VPS41: variants seen among roughly 807,000 people sequenced by gnomAD.
The protein encoded by VPS41 is vacuolar protein sorting-associated protein 41 homolog.
VPS41 carries 85 observed loss-of-function variants against 130.9 expected under a neutral mutation model. The observed-to-expected ratio is 0.65, with a 90% CI of 0.55 to 0.78. VPS41 has a LOEUF of 0.78. VPS41 is among the 30% of genes least tolerant of loss of function. The probability of loss-of-function intolerance (pLI) is 0.00; values close to 1 mark genes in which losing one functional copy is unlikely to be tolerated. For synonymous variants in VPS41, 335 were observed against 332.9 expected, an observed-to-expected ratio of 1.01 and a Z score of -0.07; for missense variants, 874 against 1,018.7, an observed-to-expected ratio of 0.86 and a Z score of 1.93.
chr7:38,794,637 C>T (rs540898593), intron 9 of VPS41, among the ~76,000 whole-genome samples: 1 of 152,308 alleles, frequency 6.6e-6, no homozygotes, highest in African/African-American at 2.4e-5. Context: ...CAGATGAGGA[C>T]AGTAAGGCTC....
Position 38,743,562 on chromosome 7 carries a change from G to T in VPS41, c.1982-20C>A. 6.2e-7 allele frequency: 1 copy of T among 1,608,968 alleles called. No individual in the cohort carries two copies. Among genetic ancestry groups the T allele is most frequent in the Non-Finnish European group, 8.5e-7 (1 of 1,177,318 alleles). On this transcript the variant is annotated intron_variant, in intron 23 of 28. Coordinates refer to ENST00000310301, the MANE Select transcript of VPS41 (RefSeq NM_014396.4). The stretch of plus-strand genomic sequence containing the variant: ...TTCGGCCTTGGTGGGGTGAAGATGG[G>T]AGAAAGAGTTCATTTAAGGTATTTT...
chr7:38,798,356 C>T (rs1326902578), intron 7 of VPS41, among the ~76,000 whole-genome samples: 2 of 152,006 alleles, frequency 1.3e-5, no homozygotes, highest in Non-Finnish European at 2.9e-5. Flanking sequence ...GCAGTGGCAC[C>T]ATCTCAGCTC....
At chr7:38,850,054 T>C (rs1218130063) in intron 4 of VPS41, among the ~76,000 whole-genome samples, 1 of 152,178 alleles carries the variant, frequency 6.6e-6, no homozygotes, top group East Asian at 1.9e-4. Context: ...TAAAACACCA[T>C]AAATGGGAAA....
rs1482027894 is a variant in VPS41 at position 38,758,458 on chromosome 7, T to C, written c.1446A>G (p.Glu482=). The C allele has an allele frequency of 6.2e-7, 1 of 1,612,802 alleles. No homozygotes were observed. The highest frequency in any genetic ancestry group is 2.2e-5 in the East Asian group (1 of 44,800). The stretch of plus-strand genomic sequence containing the variant: ...AATTATTATACAGATCTCCAGGCCA[T>C]TCTCGGATCAATGTGGCAAAACCCT... The part of the protein sequence containing the change: ...DYEGFATLIR[E]WPGDLYNNSV... The change falls in exon 18 of 29, where the codon GAA becomes GAG. Residue 482 remains glutamate (E), a synonymous_variant. Transcript: ENST00000310301.
At chr7:38,906,700 T>C (rs1158844504) in intron 1 of VPS41, among the ~76,000 whole-genome samples, 1 of 152,112 alleles carries the variant, frequency 6.6e-6, no homozygotes, top group African/African-American at 2.4e-5. Context: ...TCCAACTACA[T>C]ATTGGCTGTT....
At position 38,869,257 on chromosome 7, in the gene VPS41, C is replaced by G; in HGVS notation, c.61-4G>C. The G allele has an allele frequency of 6.3e-7, 1 of 1,598,654 alleles. No individual in the cohort carries two copies. The highest frequency in any genetic ancestry group is 8.5e-7 in the Non-Finnish European group (1 of 1,171,782). On this transcript the variant is annotated splice_region_variant and splice_polypyrimidine_tract_variant and intron_variant, in intron 2 of 28. Transcript: ENST00000310301. ...GTTCCTCTTCGCTCTCTTCTTCCTG[C>G]ACAAACGGCAAAGAAAAATGACACC...
At chr7:38,771,157 A>T in intron 14 of VPS41, 41 bp downstream of exon 14, 1 of 1,391,520 alleles carries the variant, frequency 7.2e-7, no homozygotes, top group African/African-American at 1.4e-5. Flanking sequence ...TAACTTATTG[A>T]AAGATAAAAT....
intron 2 of VPS41, among the ~76,000 whole-genome samples, chr7:38,888,501 T>A (rs957395241): frequency 7.2e-5 from 11 of 152,154 alleles, no homozygotes; most frequent in Admixed American, 2.0e-4. Context: ...ATGTACCCAA[T>A]ACAGGAGCAC....
At chr7:38,849,668 A>G (rs1043762431) in intron 4 of VPS41, among the ~76,000 whole-genome samples, 4 of 152,022 alleles carry the variant, frequency 2.6e-5, no homozygotes, top group African/African-American at 9.7e-5. Context: ...GCTCCTCTCA[A>G]CATCCCGCTT....
chr7:38,734,278 C>T (rs1795723361), intron 25 of VPS41, among the ~76,000 whole-genome samples: 2 of 152,172 alleles, frequency 1.3e-5, no homozygotes, highest in Admixed American at 1.3e-4. Flanking sequence ...ATCTAGGGGT[C>T]AATTTCTTCT....
intron 7 of VPS41, among the ~76,000 whole-genome samples, chr7:38,814,427 G>T (rs1428015280): frequency 6.6e-6 from 1 of 152,176 alleles, no homozygotes; most frequent in Admixed American, 6.5e-5. Flanking sequence ...CGAGCGGATG[G>T]ATCACAAGGT....
Position 38,726,076 on chromosome 7 carries a change from T to C in VPS41, c.*170A>G. On this transcript the variant is annotated 3_prime_UTR_variant, in exon 29 of 29. Coordinates refer to ENST00000310301, the MANE Select transcript of VPS41 (RefSeq NM_014396.4). ...CATGAAGAGAGCCCCAAATTCTCTG[T>C]GAACTGCAAAGAGAAACCATTAGTA... The C allele has an allele frequency of 1.7e-6, 1 of 574,906 alleles. No individual in the cohort carries two copies. Among genetic ancestry groups the C allele is most frequent in the Admixed American group, 3.1e-5 (1 of 32,240 alleles). The allele number at this position is 574,906 out of a possible 1,614,324, so 35.6% of individuals were successfully genotyped here.
intron 17 of VPS41, among the ~76,000 whole-genome samples, chr7:38,762,934 C>T (rs149920544): frequency 1.1e-3 from 169 of 151,986 alleles, no homozygotes; most frequent in African/African-American, 3.2e-3. Context: ...GTAACTTTGA[C>T]GATAAAGGAT....
At chr7:38,802,523 G>A (rs911473731) in intron 7 of VPS41, among the ~76,000 whole-genome samples, 3 of 152,020 alleles carry the variant, frequency 2.0e-5, no homozygotes, top group Non-Finnish European at 4.4e-5. Flanking sequence ...TCATACAGAA[G>A]GGAGAATGGC....
intron 2 of VPS41, among the ~76,000 whole-genome samples, chr7:38,872,421 A>G (rs567081457): frequency 1.3e-5 from 2 of 152,338 alleles, no homozygotes; most frequent in East Asian, 1.9e-4. Context: ...CAGAGCATGA[A>G]TAATAGGAGG....
rs777103108 is a variant in VPS41 at position 38,752,229 on chromosome 7, G to A, written c.1873C>T (p.Arg625Ter). The change falls in exon 22 of 29, where the codon CGA (arginine) becomes TGA (stop). Residue 625 changes from arginine (R) to a stop codon, truncating the protein, a stop_gained. Transcript: ENST00000310301. LOFTEE classifies it high-confidence loss of function. ...CGGAGAAAGGGAAGTAAGTTTGGTC[G>A]ATCATATTCAGCATAAAGACTGATC... ...KQISLYAEYDRPNLLPFLRDS... is the reference protein window; with the variant it reads ...KQISLYAEYD The A allele has an allele frequency of 6.2e-6, 10 of 1,613,964 alleles. No homozygotes were observed. The highest frequency in any genetic ancestry group is 8.5e-6 in the Non-Finnish European group (10 of 1,179,902).
chr7:38,736,448 C>T (rs986040640), intron 25 of VPS41, among the ~76,000 whole-genome samples: 2 of 152,256 alleles, frequency 1.3e-5, no homozygotes, highest in Non-Finnish European at 2.9e-5. Flanking sequence ...TTACCAAAGT[C>T]TCAATAGGCT....
intron 3 of VPS41, among the ~76,000 whole-genome samples, 189 bp downstream of exon 3, chr7:38,868,957 T>C (rs1227354935): frequency 1.3e-5 from 2 of 152,198 alleles, no homozygotes; most frequent in Non-Finnish European, 2.9e-5. Flanking sequence ...GTGTGTTGTA[T>C]GTGTGTGAAT....
intron 7 of VPS41, among the ~76,000 whole-genome samples, chr7:38,811,331 A>G (rs1375669759): frequency 6.6e-6 from 1 of 152,052 alleles, no homozygotes; most frequent in African/African-American, 2.4e-5. Flanking sequence ...CATTTTGAAA[A>G]TCTCCATTTA....
Sources: allele counts gnomAD v4.1 joint callset (sites outside exome capture counted in the v4.1 genomes callset), GRCh38; gene constraint gnomAD v4.1.1; transcripts MANE v1.5; gene names NCBI Gene and HGNC (gene_info 2026-07-23, HGNC 2026-07-21).